Variants in WDR70 observed in about 807,000 individuals in gnomAD.
WDR70 encodes the protein WD repeat domain 70.
WDR70 carries 53 observed loss-of-function variants against 88.6 expected under a neutral mutation model. That is an observed-to-expected ratio of 0.60 (90% CI 0.48 to 0.75). WDR70 has a LOEUF of 0.75. WDR70 is among the 30% of genes least tolerant of loss of function. WDR70 has a pLI of 0.00. For synonymous variants in WDR70, 280 were observed against 270.0 expected (o/e 1.04, Z -0.36); for missense variants, 610 against 823.2 (o/e 0.74, Z 3.17).
intron 9 of WDR70, among the ~76,000 whole-genome samples, chr5:37,521,606 G>C (rs992037458): frequency 3.9e-5 from 6 of 151,990 alleles, no homozygotes; most frequent in Non-Finnish European, 7.4e-5. Context: ...TTCCATTCCT[G>C]AGTTACTTCA....
chr5:37,566,676 T>C (rs1044632995), intron 9 of WDR70, among the ~76,000 whole-genome samples: 1 of 152,208 alleles, frequency 6.6e-6, no homozygotes, highest in Non-Finnish European at 1.5e-5. Flanking sequence ...CTCAAGATCC[T>C]TGATAGCTGT....
At chr5:37,502,110 C>T (rs991494198) in intron 8 of WDR70, among the ~76,000 whole-genome samples, 1 of 152,134 alleles carries the variant, frequency 6.6e-6, no homozygotes, top group Non-Finnish European at 1.5e-5. Context: ...TGATTTCTTT[C>T]AGTAGTGTTT....
chr5:37,741,681 A>T (rs1025187886), intron 17 of WDR70, among the ~76,000 whole-genome samples: 1 of 152,138 alleles, frequency 6.6e-6, no homozygotes, highest in Non-Finnish European at 1.5e-5. Flanking sequence ...TGCTCATCTC[A>T]TGCTGGGCAG....
At chr5:37,493,948 A>G (rs958476295) in intron 8 of WDR70, among the ~76,000 whole-genome samples, 1 of 151,416 alleles carries the variant, frequency 6.6e-6, no homozygotes, top group Admixed American at 6.6e-5. Context: ...CCTTCCAAGT[A>G]GCTGGGATTA....
chr5:37,545,813 G>A (rs1369799858), intron 9 of WDR70, among the ~76,000 whole-genome samples: 1 of 152,080 alleles, frequency 6.6e-6, no homozygotes, highest in Non-Finnish European at 1.5e-5. Context: ...TGTGAGCCAC[G>A]ACGCCCAGCC....
intron 9 of WDR70, among the ~76,000 whole-genome samples, chr5:37,597,409 A>T (rs76545743): frequency 0.011 from 1,603 of 152,116 alleles, 22 homozygotes; most frequent in African/African-American, 0.036. Flanking sequence ...GTAATAGTGT[A>T]TTGTGATTTT....
At chr5:37,526,100 G>A (rs1423204485) in intron 9 of WDR70, among the ~76,000 whole-genome samples, 2 of 152,052 alleles carry the variant, frequency 1.3e-5, no homozygotes, top group Admixed American at 6.6e-5. Flanking sequence ...TCGAATCAAT[G>A]GAAAAAGAGG....
chr5:37,384,154 C>T (rs1346019047), intron 3 of WDR70, among the ~76,000 whole-genome samples: 1 of 148,946 alleles, frequency 6.7e-6, no homozygotes, highest in East Asian at 2.0e-4. Flanking sequence ...CTCTAGCACT[C>T]CTCTCAGTAC....
At chr5:37,389,169 T>C (rs980250056) in intron 3 of WDR70, among the ~76,000 whole-genome samples, 8 of 150,344 alleles carry the variant, frequency 5.3e-5, no homozygotes, top group Non-Finnish European at 1.2e-4. Flanking sequence ...CTTGGCTTAC[T>C]GCAACCTCCG....
intron 7 of WDR70, among the ~76,000 whole-genome samples, chr5:37,450,371 A>G (rs1439692278): frequency 1.3e-5 from 2 of 152,192 alleles, no homozygotes; most frequent in African/African-American, 2.4e-5. Flanking sequence ...CTCAGCTGAC[A>G]AAGCTAGGAA....
At chr5:37,383,596 T>C (rs1354383642) in intron 3 of WDR70, among the ~76,000 whole-genome samples, 1 of 150,726 alleles carries the variant, frequency 6.6e-6, no homozygotes, top group Admixed American at 6.7e-5. Flanking sequence ...TGTTATTTTT[T>C]TGAGATGGCG....
chr5:37,517,098 C>T (rs930913022), intron 9 of WDR70, among the ~76,000 whole-genome samples: 4 of 152,028 alleles, frequency 2.6e-5, no homozygotes, highest in East Asian at 1.9e-4. Flanking sequence ...ACTATGAAAA[C>T]GAGAGTGGTA....
chr5:37,527,909 C>G (rs569073568), intron 9 of WDR70, among the ~76,000 whole-genome samples: 250 of 152,268 alleles, frequency 1.6e-3, no homozygotes, highest in African/African-American at 5.8e-3. Context: ...CAGAGAAATT[C>G]AAATCAAAAC....
At chr5:37,473,183 TTTG>T (rs1739378776) in intron 7 of WDR70, among the ~76,000 whole-genome samples, 1 of 150,454 alleles carries the variant, frequency 6.6e-6, no homozygotes, top group African/African-American at 2.5e-5. Context: ...TTGAATATAT[TTTG>T]TTAAGTATCT....
At position 37,485,990 on chromosome 5, in the gene WDR70, C is replaced by T. The variant is rs557215196; in HGVS notation, c.840+6003C>T. Among the ~76,000 whole-genome samples the T allele has an allele frequency of 2.0e-5, 3 of 151,028 alleles. No individual in the cohort carries two copies. The East Asian group carries it at 5.9e-4, about 30-fold the overall frequency. ...TTGGCTTCCCAAAGTGCTGGGATTA[C>T]AGGCGTTAGCCACTGTGCCTGGCCA... On this transcript the variant is annotated intron_variant, in intron 8 of 17. Coordinates refer to ENST00000265107, the MANE Select transcript of WDR70 (RefSeq NM_018034.4).
chr5:37,567,773 CTA>C (rs1360794811), intron 9 of WDR70, among the ~76,000 whole-genome samples: 1 of 152,078 alleles, frequency 6.6e-6, no homozygotes, highest in African/African-American at 2.4e-5. Context: ...TCGCAGTGTT[CTA>C]TCTTTGTCTC....
chr5:37,511,465 G>A (rs983279250), intron 8 of WDR70, among the ~76,000 whole-genome samples: 4 of 150,578 alleles, frequency 2.7e-5, no homozygotes, highest in African/African-American at 7.3e-5. Flanking sequence ...ACAACAAAAT[G>A]TTCCACGTTC....
intron 17 of WDR70, among the ~76,000 whole-genome samples, chr5:37,742,444 ATTGTTG>A: frequency 6.6e-6 from 1 of 151,680 alleles, no homozygotes; most frequent in East Asian, 1.9e-4. Context: ...AAATTTTTTT[ATTGTTG>A]TTGTTGTAGG....
At chr5:37,673,772 G>A (rs1561062863) in intron 10 of WDR70, among the ~76,000 whole-genome samples, 1 of 151,594 alleles carries the variant, frequency 6.6e-6, no homozygotes. Context: ...CTTCACCCAT[G>A]CCCCCTAACA....
Sources: gnomAD v4.1 joint callset for allele counts (sites outside exome capture counted in the v4.1 genomes callset) on GRCh38, gnomAD v4.1.1 for gene constraint, MANE v1.5 for transcripts, NCBI Gene and HGNC (gene_info 2026-07-23, HGNC 2026-07-21) for gene names.